RPL7A: variants seen among roughly 807,000 people sequenced by gnomAD.
The protein encoded by RPL7A is large ribosomal subunit protein eL8.
For synonymous variants in RPL7A, 158 were observed against 128.2 expected, an observed-to-expected ratio of 1.23 and a Z score of -1.57; for missense variants, 291 against 338.2, an observed-to-expected ratio of 0.86 and a Z score of 1.09.
intron 3 of RPL7A, 25 bp from the exon 4 acceptor site, chr9:133,349,887 C>A (rs2129989362): frequency 3.1e-6 from 5 of 1,609,800 alleles, no homozygotes; most frequent in Non-Finnish European, 4.2e-6. Context: ...TGACTCCAAG[C>A]CTAAACTGAA....
rs2129987759 is a variant in RPL7A at position 133,349,652 on chromosome 9, G to T, written c.226G>T (p.Val76Leu). 76 of 1,613,958 alleles carry T rather than the reference G, an allele frequency of 4.7e-5. No homozygotes were observed. The highest frequency in any genetic ancestry group is 6.3e-5 in the Non-Finnish European group (74 of 1,180,024). ...AGCCATCCTCTATAAGCGGCTGAAA[G>T]TGCCTCCTGCGATTAACCAGTTCAC... ...QRAILYKRLK[V>L]PPAINQFTQA... Residue 76 changes from valine (V) to leucine (L), a missense_variant, in exon 3 of 8, where the codon GTG becomes TTG. Coordinates refer to ENST00000323345, the MANE Select transcript of RPL7A (RefSeq NM_000972.3).
intron 4 of RPL7A, 75 bp downstream of exon 4, chr9:133,350,127 T>C (rs1836350302): frequency 2.5e-6 from 4 of 1,613,520 alleles, no homozygotes; most frequent in East Asian, 2.2e-5. Flanking sequence ...GGCCTGAAAT[T>C]ACTGTGAAGA....
In RPL7A at chr9:133,350,686, C is replaced by T. The variant is rs1836371999; in HGVS notation, c.585C>T (p.His195=). The T allele has an allele frequency of 6.2e-7, 1 of 1,614,170 alleles. No homozygotes were observed. The change falls in exon 6 of 8, where the codon CAC becomes CAT. Residue 195 remains histidine (H), a synonymous_variant. Coordinates refer to ENST00000323345, the MANE Select transcript of RPL7A (RefSeq NM_000972.3). ...KGKARLGRLV[H]RKTCTTVAFT... is the part of the protein sequence containing the mutation. ...AGGCAAGACTGGGACGTCTAGTCCA[C>T]AGGAAGACCTGCACCACTGTCGCCT...
intron 1 of RPL7A, 90 bp from the exon 2 acceptor site, chr9:133,348,832 C>T (rs1836292998): frequency 8.1e-6 from 13 of 1,598,970 alleles, no homozygotes; most frequent in African/African-American, 1.3e-5. Flanking sequence ...GTGCTGTCAG[C>T]GTCCCTTGTT....
intron 1 of RPL7A, 65 bp downstream of exon 1, chr9:133,348,311 C>T (rs1836267624): frequency 6.2e-7 from 1 of 1,611,166 alleles, no homozygotes. Context: ...CCATCCTCCT[C>T]CAGGCGCGGC....
chr9:133,348,672 C>T, intron 1 of RPL7A: 4 of 697,718 alleles, frequency 5.7e-6, no homozygotes, highest in Non-Finnish European at 1.1e-5. Flanking sequence ...GGGTGGGCGA[C>T]GCGAAGAGAG....
At chr9:133,349,844 T>G (rs1836333223) in intron 3 of RPL7A, 68 bp from the exon 4 acceptor site, 1 of 1,591,914 alleles carries the variant, frequency 6.3e-7, no homozygotes, top group Admixed American at 1.7e-5. Flanking sequence ...CCAGCATTTG[T>G]TATTAAGTGT....
intron 6 of RPL7A, 28 bp downstream of exon 6, chr9:133,350,755 C>G (rs2129995911): frequency 6.2e-6 from 10 of 1,608,570 alleles, no homozygotes; most frequent in Non-Finnish European, 8.5e-6. Context: ...CCCCAAACTT[C>G]CCCCCAGTTC....
chr9:133,349,776 C>A, intron 3 of RPL7A, 76 bp downstream of exon 3: 2 of 1,592,330 alleles, frequency 1.3e-6, no homozygotes, highest in African/African-American at 1.3e-5. Flanking sequence ...GGGGGATGGT[C>A]TTAGGCTTCT....
At position 133,350,692 on chromosome 9, in the gene RPL7A, G is replaced by A. The variant is rs2129995355; in HGVS notation, c.591G>A (p.Lys197=). ...GACTGGGACGTCTAGTCCACAGGAA[G>A]ACCTGCACCACTGTCGCCTTCACAC... ...KARLGRLVHR[K]TCTTVAFTQV... is the part of the protein sequence containing the mutation. The change falls in exon 6 of 8, where the codon AAG becomes AAA. Residue 197 remains lysine (K), a synonymous_variant. Transcript: ENST00000323345. 2 of 1,614,036 alleles carry A rather than the reference G, an allele frequency of 1.2e-6. No individual in the cohort carries two copies. Among genetic ancestry groups the A allele is most frequent in the South Asian group, 1.1e-5 (1 of 91,084 alleles).
rs1836301508 is a variant in RPL7A, at chr9:133,349,015, G to C, written c.97G>C (p.Glu33Gln). Residue 33 changes from glutamate to glutamine, a missense_variant, in exon 2 of 8, where the codon GAG becomes CAG. Physicochemically the swap from Glu to Gln is conservative, Grantham distance 29. Transcript: ENST00000323345. ...TAAGAAAGTGGTGAATCCCCTGTTT[G>C]AGAAAAGGCCTAAGAATTTTGGCAT... is the stretch of plus-strand genomic sequence containing the variant. ...EAKKVVNPLF[E>Q]KRPKNFGIGQ... is the part of the protein sequence containing the mutation. 6.2e-7 allele frequency: 1 copy of C among 1,613,918 alleles called. No individual in the cohort carries two copies. The highest frequency in any genetic ancestry group is 8.5e-7 in the Non-Finnish European group (1 of 1,179,992).
In RPL7A at chr9:133,349,546, C is replaced by A; in HGVS notation, c.125-5C>A. ...CCTCACTCGGTGTCACCCTTTACTT[C>A]TCAGGACAGGACATCCAGCCCAAAA... On this transcript the variant is annotated splice_region_variant and splice_polypyrimidine_tract_variant and intron_variant, in intron 2 of 7. Transcript: ENST00000323345. 1 of 1,614,162 alleles carries A rather than the reference C, an allele frequency of 6.2e-7. No individual in the cohort carries two copies. The highest frequency in any genetic ancestry group is 8.5e-7 in the Non-Finnish European group (1 of 1,180,014).
chr9:133,349,609 C>A lies in RPL7A; in HGVS notation c.183C>A (p.Ile61=). 2 of 1,614,112 alleles carry A rather than the reference C, an allele frequency of 1.2e-6. No homozygotes were observed. The highest frequency in any genetic ancestry group is 1.7e-6 in the Non-Finnish European group (2 of 1,180,028). The change falls in exon 3 of 8, where the codon ATC becomes ATA. Residue 61 remains isoleucine, a synonymous_variant. Transcript: ENST00000323345. ...LTRFVKWPRY[I]RLQRQRAILY... is the part of the protein sequence containing the mutation. ...GCTTTGTGAAATGGCCCCGCTATAT[C>A]AGGTTGCAGCGGCAGAGAGCCATCC...
chr9:133,349,163 G>A, intron 2 of RPL7A, 121 bp downstream of exon 2: 1 of 1,196,006 alleles, frequency 8.4e-7, no homozygotes, highest in East Asian at 2.3e-5. Context: ...CTTAATTTGT[G>A]TCTCTTAGAG....
intron 3 of RPL7A, 38 bp from the exon 4 acceptor site, chr9:133,349,874 C>T (rs587620997): frequency 4.4e-6 from 7 of 1,607,166 alleles, no homozygotes; most frequent in South Asian, 1.1e-5. Context: ...AGGATTAGAA[C>T]CTTGACTCCA....
intron 2 of RPL7A, chr9:133,349,346 T>G (rs1205124304): frequency 4.7e-6 from 4 of 858,340 alleles, no homozygotes; most frequent in Non-Finnish European, 8.0e-6. Context: ...CACCTTGGCT[T>G]CTTGTTAGAT....
chr9:133,349,726 G>A (rs1836329109), intron 3 of RPL7A, 26 bp downstream of exon 3: 4 of 1,611,578 alleles, frequency 2.5e-6, no homozygotes, highest in Non-Finnish European at 3.4e-6. Flanking sequence ...GTGGAAAGGA[G>A]TTTCTCAGGC....
chr9:133,348,770 G>T, intron 1 of RPL7A, 152 bp from the exon 2 acceptor site: 1 of 1,128,636 alleles, frequency 8.9e-7, no homozygotes, highest in Non-Finnish European at 1.3e-6. Flanking sequence ...CTCCTGTCGA[G>T]GGGTGGTGCT....
At chr9:133,349,847 TTAAG>T (rs1257345376) in intron 3 of RPL7A, 61 bp from the exon 4 acceptor site, 31 of 1,592,376 alleles carry the variant, frequency 1.9e-5, no homozygotes, top group Non-Finnish European at 2.4e-5. Flanking sequence ...GCATTTGTTA[TTAAG>T]TGTTAAGTGA....
Sources: allele counts gnomAD v4.1 joint callset, GRCh38; gene constraint gnomAD v4.1.1; transcripts MANE v1.5; gene names NCBI Gene and HGNC (gene_info 2026-07-23, HGNC 2026-07-21).